The following ZMYND19 variants were observed in gnomAD, a reference collection of about 807,000 sequenced individuals.
ZMYND19 encodes zinc finger MYND domain-containing protein 19.
A neutral mutation model predicts 32.0 loss-of-function variants in ZMYND19; 17 were observed. The observed-to-expected ratio is 0.53, with a 90% confidence interval of 0.36 to 0.80. ZMYND19 has a LOEUF of 0.80. Among genes scored for constraint, ZMYND19 ranks in the 30% least tolerant of loss-of-function variants. The pLI, the probability that ZMYND19 is intolerant of heterozygous loss-of-function variation, is 0.00. For missense variants in ZMYND19, 250 were observed against 293.6 expected (o/e 0.85, Z 1.09); for synonymous variants, 124 against 113.6 (o/e 1.09, Z -0.58).
intron 2 of ZMYND19, 61 bp downstream of exon 2, chr9:137,588,598 T>C: frequency 6.3e-7 from 1 of 1,586,248 alleles, no homozygotes; most frequent in South Asian, 1.1e-5. Flanking sequence ...AGCTCGTTCC[T>C]CGTGACCCTC....
At chr9:137,587,542 A>G (rs1842219639) in intron 3 of ZMYND19, 175 bp downstream of exon 3, 3 of 650,300 alleles carry the variant, frequency 4.6e-6, no homozygotes, top group Admixed American at 2.8e-5. Flanking sequence ...TTTGAAGTGC[A>G]ACATACAAAT....
intron 1 of ZMYND19, chr9:137,589,958 T>G: frequency 2.0e-6 from 2 of 985,190 alleles, no homozygotes; most frequent in Non-Finnish European, 2.4e-6. Context: ...GGCCGTGGCC[T>G]CCACCTCCGG....
In ZMYND19 at chr9:137,582,570, GA is replaced by G; in HGVS notation, c.656del (p.Phe219SerfsTer51). 6.2e-7 allele frequency: 1 copy of G among 1,613,220 alleles called. No individual in the cohort carries two copies. Among genetic ancestry groups the G allele is most frequent in the Non-Finnish European group, 8.5e-7 (1 of 1,180,020 alleles). ...KKHCRERKRP[F>X]QHELEPER The stretch of plus-strand genomic sequence containing the variant: ...ATCGCTCTGGCTCAAGCTCATGCTG[GA>G]AGGGACGCTTCCTCTCCCGACAGTG... On this transcript the variant is annotated frameshift_variant, in exon 6 of 6. Coordinates refer to ENST00000298585, the MANE Select transcript of ZMYND19 (RefSeq NM_138462.3). LOFTEE classifies it high-confidence loss of function.
At chr9:137,589,253 G>GGA in intron 1 of ZMYND19, 1 of 831,814 alleles carries the variant, frequency 1.2e-6, no homozygotes, top group South Asian at 5.5e-5. Flanking sequence ...CGACCTGACT[G>GGA]GAGAGCCCAC....
intron 1 of ZMYND19, chr9:137,588,972 T>C: frequency 2.0e-6 from 1 of 500,296 alleles, no homozygotes; most frequent in Middle Eastern, 5.4e-4. Context: ...GAGGAGCTGG[T>C]ATCAGGCTTC....
intron 1 of ZMYND19, 77 bp from the exon 2 acceptor site, chr9:137,588,795 G>A: frequency 5.2e-6 from 8 of 1,548,778 alleles, no homozygotes; most frequent in Non-Finnish European, 7.1e-6. Context: ...ACCAGAACAG[G>A]CAGGAGCCTG....
intron 4 of ZMYND19, among the ~76,000 whole-genome samples, chr9:137,584,592 A>G (rs540202324): frequency 4.3e-4 from 66 of 152,314 alleles, no homozygotes; most frequent in Non-Finnish European, 8.1e-4. Context: ...GAACTTGCGG[A>G]GTTGGGAAGG....
At chr9:137,583,448 C>G (rs945178548) in intron 4 of ZMYND19, among the ~76,000 whole-genome samples, 2 of 152,238 alleles carry the variant, frequency 1.3e-5, no homozygotes, top group Non-Finnish European at 2.9e-5. Flanking sequence ...GGTCAGGCCC[C>G]TGTGCAAAGC....
In ZMYND19 at chr9:137,582,547, C is replaced by T. The variant is rs756936173; in HGVS notation, c.680G>A (p.Arg227Gln). 7 of 1,612,110 alleles carry T rather than the reference C, an allele frequency of 4.3e-6. No individual in the cohort carries two copies. Among genetic ancestry groups the T allele is most frequent in the South Asian group, 2.2e-5 (2 of 91,014 alleles). The change falls in exon 6 of 6, where the codon CGA becomes CAA. Residue 227 changes from arginine (R) to glutamine (Q), a missense_variant. By Grantham distance (43) the Arg-to-Gln change is conservative (BLOSUM62 1). Around this residue, in one of 2 missense-constraint regions of ZMYND19, gnomAD observed 38 missense variants for 74.9 expected, o/e 0.51. Coordinates refer to ENST00000298585, the MANE Select transcript of ZMYND19 (RefSeq NM_138462.3). Reference protein sequence around the residue: ...RPFQHELEPER With the variant: ...RPFQHELEPEQ Reference sequence around the variant, plus strand: ...TATGTGTGGCTCCCCTGCCCGTCATCGCTCTGGCTCAAGCTCATGCTGGAA... The same window carrying T: ...TATGTGTGGCTCCCCTGCCCGTCATTGCTCTGGCTCAAGCTCATGCTGGAA...
chr9:137,584,658 A>G (rs72765175), intron 4 of ZMYND19, among the ~76,000 whole-genome samples: 4,281 of 152,246 alleles, frequency 0.028, 91 homozygotes, highest in Non-Finnish European at 0.039. Flanking sequence ...GCAGGAGGAG[A>G]TGCTACAGAT....
chr9:137,585,543 GA>G (rs200764263), intron 4 of ZMYND19, among the ~76,000 whole-genome samples: 2 of 150,520 alleles, frequency 1.3e-5, no homozygotes, highest in Admixed American at 6.6e-5. Context: ...ACAGAGCAGG[GA>G]AAAAAAAACA....
chr9:137,586,918 T>G, intron 4 of ZMYND19, 49 bp downstream of exon 4: 1 of 1,606,548 alleles, frequency 6.2e-7, no homozygotes, highest in Non-Finnish European at 8.5e-7. Context: ...GCGGTGGCCC[T>G]CCTCAAAAGG....
chr9:137,584,776 A>G, intron 4 of ZMYND19, among the ~76,000 whole-genome samples: 1 of 152,134 alleles, frequency 6.6e-6, no homozygotes, highest in Non-Finnish European at 1.5e-5. Context: ...CCCAGACACC[A>G]CTAGAACAGG....
At position 137,588,640 on chromosome 9, in the gene ZMYND19, A is replaced by T. The variant is rs1842234166; in HGVS notation, c.111+19T>A. 1.9e-6 allele frequency: 3 copies of T among 1,613,864 alleles called. No individual in the cohort carries two copies. Among genetic ancestry groups the T allele is most frequent in the Non-Finnish European group, 2.5e-6 (3 of 1,179,890 alleles). On this transcript the variant is annotated intron_variant, in intron 2 of 5. Coordinates refer to ENST00000298585, the MANE Select transcript of ZMYND19 (RefSeq NM_138462.3). ...ACTGACCACGAGCATCAGGGGAGGG[A>T]ACAGCCATCCTTACTTACCTCAAAG...
Position 137,582,514 on chromosome 9 carries a change from G to A in ZMYND19, c.*29C>T. The A allele has an allele frequency of 6.2e-7, 1 of 1,606,834 alleles. No individual in the cohort carries two copies. Among genetic ancestry groups the A allele is most frequent in the South Asian group, 1.1e-5 (1 of 90,642 alleles). On this transcript the variant is annotated 3_prime_UTR_variant, in exon 6 of 6. Transcript: ENST00000298585. Reference sequence around the variant, plus strand: ...GCTGTGCCCAGGGTAGAGCCCGGGGGCTGTGAGTATGTGTGGCTCCCCTGC... The same window carrying A: ...GCTGTGCCCAGGGTAGAGCCCGGGGACTGTGAGTATGTGTGGCTCCCCTGC...
At chr9:137,587,384 A>G (rs1314294308) in intron 3 of ZMYND19, 4 of 601,560 alleles carry the variant, frequency 6.6e-6, no homozygotes, top group Non-Finnish European at 1.2e-5. Flanking sequence ...AAACCACCTA[A>G]GCAGATGGCC....
chr9:137,588,875 C>T (rs1300295597), intron 1 of ZMYND19, 157 bp from the exon 2 acceptor site: 1 of 733,736 alleles, frequency 1.4e-6, no homozygotes. Flanking sequence ...CACATGGGGG[C>T]CTCATTCCAC....
rs1842216095 is a variant in ZMYND19, at chr9:137,587,229, G to GCC, written c.219-124_219-123dup. 41 of 1,474,100 alleles carry GCC rather than the reference G, an allele frequency of 2.8e-5. 2 individuals are homozygous for GCC. The South Asian group carries it at 4.9e-4, about 18-fold the overall frequency. 91.3% of individuals were successfully genotyped at this position (1,474,100 alleles called of 1,614,324 possible). ...AATGTCAGCCATGTGATCTGATCGGGCCCCTGGTCCTTTGGATGAGGGTAC... is the reference window on the plus strand; with the variant it reads ...AATGTCAGCCATGTGATCTGATCGGGCCCCCCTGGTCCTTTGGATGAGGGTAC... On this transcript the variant is annotated intron_variant, in intron 3 of 5. Transcript: ENST00000298585.
At position 137,582,582 on chromosome 9, in the gene ZMYND19, C is replaced by T; in HGVS notation, c.645G>A (p.Arg215=). Residue 215 remains arginine, a synonymous_variant, in exon 6 of 6, where the codon AGG becomes AGA. Transcript: ENST00000298585. ...WPAHKKHCRE[R]KRPFQHELEP... The stretch of plus-strand genomic sequence containing the variant: ...CAAGCTCATGCTGGAAGGGACGCTT[C>T]CTCTCCCGACAGTGCTTCTTGTGGG... 1.2e-6 allele frequency: 2 copies of T among 1,613,462 alleles called. No individual in the cohort carries two copies. The highest frequency in any genetic ancestry group is 1.7e-6 in the Non-Finnish European group (2 of 1,180,026).
Sources: allele counts gnomAD v4.1 joint callset (sites outside exome capture counted in the v4.1 genomes callset), GRCh38; gene constraint gnomAD v4.1.1; regional missense constraint gnomAD v4.1.1; transcripts MANE v1.5; gene names NCBI Gene and HGNC (gene_info 2026-07-23, HGNC 2026-07-21).